Variants in PNPLA4 observed in about 807,000 individuals in gnomAD.
PNPLA4 encodes patatin-like phospholipase domain-containing protein 4.
A neutral mutation model predicts 18.3 loss-of-function variants in PNPLA4; 15 were observed. The ratio of observed to expected loss-of-function variants is 0.82; its 90% CI spans 0.55 to 1.26. PNPLA4 has a LOEUF of 1.26. Among genes scored for constraint, PNPLA4 ranks in the 50% most tolerant of loss-of-function variants. The probability of loss-of-function intolerance (pLI) is 0.00; values close to 1 mark genes in which losing one functional copy is unlikely to be tolerated. For synonymous variants in PNPLA4, 88 were observed against 85.6 expected, an observed-to-expected ratio of 1.03 and a Z score of -0.16; for missense variants, 229 against 196.8, an observed-to-expected ratio of 1.16 and a Z score of -0.98.
chrX:7,907,896 T>G (rs755856130), intron 5 of PNPLA4, among the ~76,000 whole-genome samples: 1 of 105,951 alleles, frequency 9.4e-6, no homozygotes, highest in East Asian at 2.9e-4. Context: ...TAATTTTTGT[T>G]TTTTTTTTTT....
At chrX:7,921,980 T>C (rs754374580) in intron 3 of PNPLA4, 24 bp downstream of exon 3, 33 of 1,174,578 alleles carry the variant, frequency 2.8e-5, no homozygotes, top group Middle Eastern at 2.3e-4. Flanking sequence ...TCATGTACTT[T>C]TGGGCAAAAT....
chrX:7,916,718 G>A (rs1924057411), intron 4 of PNPLA4, among the ~76,000 whole-genome samples: 1 of 111,508 alleles, frequency 9.0e-6, no homozygotes, highest in Non-Finnish European at 1.9e-5. Flanking sequence ...GCATTTGCAG[G>A]AACTGATCTC....
intron 4 of PNPLA4, among the ~76,000 whole-genome samples, chrX:7,914,606 G>A (rs1923980172): frequency 8.9e-6 from 1 of 112,331 alleles, no homozygotes; most frequent in African/African-American, 3.2e-5. Flanking sequence ...TTTGTAGATA[G>A]CGTACATATT....
chrX:7,905,577 A>G (rs1389571651), intron 5 of PNPLA4, among the ~76,000 whole-genome samples: 1 of 112,611 alleles, frequency 8.9e-6, no homozygotes, highest in African/African-American at 3.2e-5. Flanking sequence ...AATAAAAAAT[A>G]CTTTGCTGGA....
At chrX:7,919,219 A>G (rs1368530510) in intron 4 of PNPLA4, among the ~76,000 whole-genome samples, 1 of 112,899 alleles carries the variant, frequency 8.9e-6, no homozygotes, top group African/African-American at 3.2e-5. Flanking sequence ...TATTGCCGTT[A>G]TAACAAATTA....
chrX:7,908,909 A>G (rs1363302333), intron 5 of PNPLA4, among the ~76,000 whole-genome samples: 1 of 111,371 alleles, frequency 9.0e-6, no homozygotes, highest in Non-Finnish European at 1.9e-5. Flanking sequence ...CTGTCACTCT[A>G]TGTCCATGTC....
intron 2 of PNPLA4, among the ~76,000 whole-genome samples, chrX:7,924,183 A>T (rs1156895733): frequency 3.6e-5 from 4 of 111,890 alleles, no homozygotes; most frequent in Non-Finnish European, 5.6e-5. Flanking sequence ...TGCAGCATTG[A>T]GCTCTTCCAC....
chrX:7,903,369 A>G (rs1236429428), intron 5 of PNPLA4, among the ~76,000 whole-genome samples: 1 of 109,532 alleles, frequency 9.1e-6, no homozygotes, highest in African/African-American at 3.3e-5. Flanking sequence ...GTGTGATCTC[A>G]GCTCACTGCA....
Position 7,921,821 on chromosome X carries a change from G to A in PNPLA4, c.303C>T (p.Pro101=), listed in dbSNP as rs1601651422. ...GGTTCTGGGCCAGCTCGTGAGCGCT[G>A]GGAGGAAGAATCGACTCCATCCCAC... is the stretch of plus-strand genomic sequence containing the variant. ...LRSGMESILP[P]SAHELAQNRL... Residue 101 remains proline, a synonymous_variant, in exon 4 of 7, where the codon CCC becomes CCT. Transcript: ENST00000381042. 1 of 1,209,518 alleles carries A rather than the reference G, an allele frequency of 8.3e-7. No homozygotes were observed. Among genetic ancestry groups the A allele is most frequent in the East Asian group, 3.0e-5 (1 of 33,808 alleles).
intron 4 of PNPLA4, among the ~76,000 whole-genome samples, chrX:7,912,415 T>C (rs1478596756): frequency 8.9e-6 from 1 of 112,200 alleles, no homozygotes; most frequent in Non-Finnish European, 1.9e-5. Context: ...ATAAATTATA[T>C]GTAATGTTCC....
upstream of PNPLA4, chrX:7,927,617 C>A (rs773068080): frequency 3.5e-5 from 4 of 113,490 alleles, no homozygotes; most frequent in South Asian, 1.1e-3. Context: ...TTAACCCACA[C>A]CCTAGAGAGG....
chrX:7,922,054 C>A lies in PNPLA4; in HGVS notation c.225G>T (p.Arg75Ser), dbSNP rs2146767477. The A allele has an allele frequency of 1.7e-6, 2 of 1,209,353 alleles. No individual in the cohort carries two copies. The highest frequency in any genetic ancestry group is 5.9e-5 in the East Asian group (2 of 33,812). The change falls in exon 3 of 7, where the codon AGG (arginine) becomes AGT (serine). Residue 75 changes from arginine to serine, a missense_variant. Arg to Ser is a moderately radical substitution (Grantham distance 110, BLOSUM62 -1). Transcript: ENST00000381042. Reference protein sequence around the residue: ...FTYKFAEEIRRQSFGAVTPGY... With the variant: ...FTYKFAEEIRSQSFGAVTPGY... ...CGGGCGTTACTGCCCCGAAAGACTG[C>A]CTTCTGATTTCTTCGGCAAACTTGT...
intron 5 of PNPLA4, among the ~76,000 whole-genome samples, chrX:7,907,894 G>GA (rs1923758651): frequency 4.6e-5 from 1 of 21,768 alleles, no homozygotes; most frequent in Non-Finnish European, 8.2e-5. Context: ...GCTAATTTTT[G>GA]TTTTTTTTTT....
chrX:7,924,276 A>G (rs1924322732), intron 2 of PNPLA4, among the ~76,000 whole-genome samples: 1 of 111,880 alleles, frequency 8.9e-6, no homozygotes, highest in Admixed American at 9.5e-5. Context: ...AGCTCAGAAG[A>G]TTAATTACAC....
At chrX:7,914,623 T>C (rs1923981197) in intron 4 of PNPLA4, among the ~76,000 whole-genome samples, 2 of 112,234 alleles carry the variant, frequency 1.8e-5, no homozygotes, top group African/African-American at 6.5e-5. Context: ...TATTGTGAAA[T>C]TACAGTACTT....
At chrX:7,903,767 A>G (rs1057306664) in intron 5 of PNPLA4, among the ~76,000 whole-genome samples, 1 of 112,104 alleles carries the variant, frequency 8.9e-6, no homozygotes, top group East Asian at 2.8e-4. Flanking sequence ...AGGAGAGAGT[A>G]TAAGTAGATT....
In PNPLA4 at chrX:7,926,059, C is replaced by A; in HGVS notation, c.61G>T (p.Ala21Ser). Residue 21 changes from alanine (A) to serine (S), a missense_variant, in exon 2 of 7, where the codon GCA becomes TCA. Coordinates refer to ENST00000381042, the MANE Select transcript of PNPLA4 (RefSeq NM_004650.3). The stretch of plus-strand genomic sequence containing the variant: ...CCATGTCTGCAAAGTGCAGATGCTG[C>A]CCCCAAGTGGTAAATGCCCAGAAAT... Reference protein sequence around the residue: ...CGFLGIYHLGAASALCRHGKK... With the variant: ...CGFLGIYHLGSASALCRHGKK... The A allele has an allele frequency of 8.3e-7, 1 of 1,210,514 alleles. No homozygotes were observed. The highest frequency in any genetic ancestry group is 1.8e-5 in the South Asian group (1 of 56,828).
intron 5 of PNPLA4, among the ~76,000 whole-genome samples, chrX:7,904,485 G>A (rs1449849516): frequency 8.9e-6 from 1 of 111,820 alleles, no homozygotes; most frequent in Non-Finnish European, 1.9e-5. Context: ...TAGCCCCACT[G>A]CTCAGATATG....
chrX:7,921,591 C>G, intron 4 of PNPLA4, 122 bp downstream of exon 4: 3 of 626,542 alleles, frequency 4.8e-6, no homozygotes, highest in Non-Finnish European at 5.1e-6. Context: ...GAGCACTCAA[C>G]CATCTATCGG....
Sources: gnomAD v4.1 joint callset for allele counts (sites outside exome capture counted in the v4.1 genomes callset) on GRCh38, gnomAD v4.1.1 for gene constraint, MANE v1.5 for transcripts, NCBI Gene and HGNC (gene_info 2026-07-23, HGNC 2026-07-21) for gene names.